LRRC72: variants seen among roughly 807,000 people sequenced by gnomAD.
LRRC72 encodes leucine-rich repeat-containing protein 72.
LRRC72 carries 41 observed loss-of-function variants against 35.8 expected under a neutral mutation model. The ratio of observed to expected loss-of-function variants is 1.15; its 90% CI spans 0.89 to 1.49. The LOEUF is 1.49. Among genes scored for constraint, LRRC72 ranks in the 40% most tolerant of loss-of-function variants. The pLI is 0.00. For missense variants in LRRC72, 389 were observed against 330.7 expected, an observed-to-expected ratio of 1.18 and a Z score of -1.37; for synonymous variants, 118 against 119.2, an observed-to-expected ratio of 0.99 and a Z score of 0.07.
Position 16,558,879 on chromosome 7 carries a change from T to C in LRRC72, c.317-10T>C, listed in dbSNP as rs1358540310. ...TTTAAAATCTTGTAAAAATATTCTG[T>C]TTTTTTTAGGTCTGCATTATTTGCC... On this transcript the variant is annotated splice_polypyrimidine_tract_variant and intron_variant, in intron 4 of 8. Transcript: ENST00000401542. The C allele has an allele frequency of 7.4e-7, 1 of 1,350,524 alleles. No homozygotes were observed. Among genetic ancestry groups the C allele is most frequent in the Non-Finnish European group, 9.7e-7 (1 of 1,027,080 alleles). The allele number at this position is 1,350,524 out of a possible 1,614,324, so 83.7% of individuals were successfully genotyped here.
chr7:16,532,661 C>T (rs1414316487), intron 2 of LRRC72, 93 bp downstream of exon 2: 7 of 1,040,774 alleles, frequency 6.7e-6, no homozygotes, highest in Non-Finnish European at 2.9e-6. Context: ...TTCCATTTTT[C>T]CCCCTCAAGG....
At chr7:16,541,474 G>T (rs1197361924) in intron 3 of LRRC72, among the ~76,000 whole-genome samples, 1 of 152,160 alleles carries the variant, frequency 6.6e-6, no homozygotes, top group Non-Finnish European at 1.5e-5. Context: ...AAGTGCTTTG[G>T]TATTAACTAT....
At chr7:16,560,972 C>T (rs568262825) in intron 5 of LRRC72, among the ~76,000 whole-genome samples, 1 of 152,102 alleles carries the variant, frequency 6.6e-6, no homozygotes, top group Non-Finnish European at 1.5e-5. Flanking sequence ...AGAATTACTC[C>T]CTTTAATCAT....
chr7:16,567,388 C>G lies in LRRC72; in HGVS notation c.518-3C>G, dbSNP rs1422702912. Reference sequence around the variant, plus strand: ...CAATAACATTACTTTTTGCATTTATCAGAAGTTACAGAAAAAGAAAGAAGA... The same window carrying G: ...CAATAACATTACTTTTTGCATTTATGAGAAGTTACAGAAAAAGAAAGAAGA... On this transcript the variant is annotated splice_polypyrimidine_tract_variant and splice_region_variant and intron_variant, in intron 6 of 8. Transcript: ENST00000401542. The G allele has an allele frequency of 2.7e-6, 4 of 1,465,364 alleles. No individual in the cohort carries two copies. Among genetic ancestry groups the G allele is most frequent in the Non-Finnish European group, 3.6e-6 (4 of 1,103,244 alleles). 90.8% of individuals were successfully genotyped at this position (1,465,364 alleles called of 1,614,324 possible). A position where few individuals can be genotyped will look rare whatever the true frequency, so the allele number is the denominator to read the frequency against.
At chr7:16,537,162 G>A (rs1445361952) in intron 2 of LRRC72, 1 of 152,878 alleles carries the variant, frequency 6.5e-6, no homozygotes, top group Non-Finnish European at 1.5e-5. Context: ...TCTGTCTCTT[G>A]GTGTCCTGCA....
At chr7:16,577,701 C>T (rs761694206) in intron 7 of LRRC72, among the ~76,000 whole-genome samples, 3 of 152,054 alleles carry the variant, frequency 2.0e-5, no homozygotes, top group Non-Finnish European at 2.9e-5. Context: ...TTCTAAAGGA[C>T]ATCTCCAAGT....
chr7:16,577,298 C>T (rs979284945), intron 7 of LRRC72, among the ~76,000 whole-genome samples: 3 of 152,086 alleles, frequency 2.0e-5, no homozygotes, highest in African/African-American at 7.2e-5. Context: ...TTTACTGAGG[C>T]CCCCCAAGAA....
At chr7:16,546,087 A>T (rs561465321) in intron 3 of LRRC72, among the ~76,000 whole-genome samples, 2 of 152,342 alleles carry the variant, frequency 1.3e-5, no homozygotes, top group Admixed American at 1.3e-4. Flanking sequence ...TTCTTAAAAT[A>T]TATTGAAATG....
In LRRC72 at chr7:16,539,021, G is replaced by C. The variant is rs116122452; in HGVS notation, c.234+1325G>C. Among the ~76,000 whole-genome samples, 206 of 152,322 alleles carry C rather than the reference G, an allele frequency of 1.4e-3. 1 individual carries two copies. The highest frequency in any genetic ancestry group is 4.7e-3 in the African/African-American group (197 of 41,566). ...TGGCAGAGTGGGATACTGCTACAAA[G>C]ATAACCTGAATATGTGGAAGTAACT... On this transcript the variant is annotated intron_variant, in intron 3 of 8. Transcript: ENST00000401542.
intron 5 of LRRC72, among the ~76,000 whole-genome samples, chr7:16,565,732 G>A (rs706021): frequency 0.45 from 69,021 of 151,926 alleles, 16,066 homozygotes; most frequent in South Asian, 0.66. Flanking sequence ...AGAACTGCAC[G>A]TGCCTGGCCA....
At chr7:16,570,734 C>T (rs915027745) in intron 7 of LRRC72, among the ~76,000 whole-genome samples, 3 of 152,062 alleles carry the variant, frequency 2.0e-5, no homozygotes, top group African/African-American at 4.8e-5. Flanking sequence ...GTATGAGAAT[C>T]GCTTGAACCC....
intron 7 of LRRC72, among the ~76,000 whole-genome samples, chr7:16,576,439 C>A (rs934297639): frequency 1.3e-5 from 2 of 152,116 alleles, no homozygotes; most frequent in Non-Finnish European, 2.9e-5. Flanking sequence ...ATTTTATTAT[C>A]CTTCATCTGA....
intron 7 of LRRC72, among the ~76,000 whole-genome samples, chr7:16,571,221 C>G (rs1316547065): frequency 3.3e-5 from 5 of 151,996 alleles, no homozygotes; most frequent in Non-Finnish European, 1.5e-5. Context: ...TCTGAATGAC[C>G]CTTCCTCTTG....
intron 6 of LRRC72, 49 bp from the exon 7 acceptor site, chr7:16,567,342 C>T (rs1223706222): frequency 8.1e-7 from 1 of 1,231,276 alleles, no homozygotes. Flanking sequence ...TTGAATCACT[C>T]CGCCTATTTA....
intron 3 of LRRC72, among the ~76,000 whole-genome samples, chr7:16,548,265 T>G (rs1782483546): frequency 6.6e-6 from 1 of 152,134 alleles, no homozygotes; most frequent in South Asian, 2.1e-4. Context: ...TCTTCCTGGA[T>G]GTAGGACAAG....
intron 1 of LRRC72, among the ~76,000 whole-genome samples, chr7:16,532,044 A>G (rs1782174402): frequency 6.6e-6 from 1 of 152,204 alleles, no homozygotes; most frequent in South Asian, 2.1e-4. Flanking sequence ...GATAGGCACA[A>G]AAAAGAATGT....
intron 2 of LRRC72, 132 bp downstream of exon 2, chr7:16,532,700 C>T (rs1020301222): frequency 1.3e-5 from 10 of 753,000 alleles, no homozygotes; most frequent in Non-Finnish European, 2.4e-5. Context: ...TATTTTACCA[C>T]TTCCTGGAAT....
intron 6 of LRRC72, 106 bp from the exon 7 acceptor site, chr7:16,567,285 A>G (rs578621): frequency 0.47 from 395,823 of 833,748 alleles, 95,327 homozygotes; most frequent in South Asian, 0.67. Context: ...ATGTTCTCAT[A>G]TATCATAGTT....
In LRRC72 at chr7:16,531,240, C is replaced by T. The variant is rs557968618; in HGVS notation, c.91-1255C>T. ...AAAAACAAAACCCAGATGACAATGT[C>T]TAAGCCTGATCCAATGGGTTTTTCC... On this transcript the variant is annotated intron_variant, in intron 1 of 8. Coordinates refer to ENST00000401542, the MANE Select transcript of LRRC72 (RefSeq NM_001195280.2). Among the ~76,000 whole-genome samples the T allele has an allele frequency of 5.3e-5, 8 of 151,930 alleles. No homozygotes were observed. In the South Asian group the frequency reaches 1.2e-3, roughly 24 times the overall value.
Sources: gnomAD v4.1 joint callset for allele counts (sites outside exome capture counted in the v4.1 genomes callset) on GRCh38, gnomAD v4.1.1 for gene constraint, MANE v1.5 for transcripts, NCBI Gene and HGNC (gene_info 2026-07-23, HGNC 2026-07-21) for gene names.